Variants in RASEF observed in about 807,000 individuals in gnomAD.
The protein encoded by RASEF is ras and EF-hand domain-containing protein.
In RASEF, 68 loss-of-function variants were observed where a neutral mutation model predicts 90.1. The ratio of observed to expected loss-of-function variants is 0.75; its 90% confidence interval spans 0.62 to 0.92. The LOEUF (loss-of-function observed/expected upper bound fraction) is 0.92. RASEF is among the 40% of genes least tolerant of loss of function. The pLI, the probability that RASEF is intolerant of heterozygous loss-of-function variation, is 0.00. For synonymous variants in RASEF, 331 were observed against 345.2 expected (o/e 0.96, Z 0.46); for missense variants, 949 against 937.2 (o/e 1.01, Z -0.16).
upstream of RASEF, among the ~76,000 whole-genome samples, chr9:83,066,767 A>G: frequency 6.6e-6 from 1 of 152,262 alleles, no homozygotes; most frequent in East Asian, 1.9e-4. Context: ...TAAAACACAA[A>G]TAAATTTTAG....
In RASEF at chr9:82,981,741, C is replaced by T. The variant is rs928423351; in HGVS notation, c.*936G>A. On this transcript the variant is annotated 3_prime_UTR_variant, in exon 17 of 17. Coordinates refer to ENST00000376447, the MANE Select transcript of RASEF (RefSeq NM_152573.4). ...TTCTCATCATCGCCCAAAGAAACCA[C>T]ATACCTATTAGCAGTCACTCCCCAT... The T allele has an allele frequency of 2.6e-5, 4 of 152,196 alleles. No individual in the cohort carries two copies. Among genetic ancestry groups the T allele is most frequent in the African/African-American group, 7.2e-5 (3 of 41,424 alleles). 9.4% of individuals were successfully genotyped at this position (152,196 alleles called of 1,614,324 possible). A position where few individuals can be genotyped will look rare whatever the true frequency, so the allele number is the denominator to read the frequency against.
At chr9:83,103,537 G>T in the RASEF span, among the ~76,000 whole-genome samples, 1 of 152,042 alleles carries the variant, frequency 6.6e-6, no homozygotes, top group African/African-American at 2.4e-5. Flanking sequence ...ATTATTAAAG[G>T]TGTATGATGA....
At chr9:83,108,653 C>T in the RASEF span, among the ~76,000 whole-genome samples, 3 of 152,168 alleles carry the variant, frequency 2.0e-5, no homozygotes, top group African/African-American at 4.8e-5. Context: ...GCACAGTCAT[C>T]GAACTTCAAC....
At chr9:83,145,048 G>A in the RASEF span, among the ~76,000 whole-genome samples, 1 of 152,080 alleles carries the variant, frequency 6.6e-6, no homozygotes, top group Admixed American at 6.6e-5. Flanking sequence ...TGTTTAAAAA[G>A]TTTTTTAATT....
chr9:83,082,647 T>C, the RASEF span, among the ~76,000 whole-genome samples: 59 of 152,256 alleles, frequency 3.9e-4, 2 homozygotes, highest in South Asian at 0.012. Context: ...AAAGGCAAAC[T>C]TCAAACTGTA....
intron 1 of RASEF, among the ~76,000 whole-genome samples, chr9:83,039,045 T>G (rs1829792466): frequency 6.6e-6 from 1 of 152,206 alleles, no homozygotes; most frequent in African/African-American, 2.4e-5. Context: ...TTTTTCAATT[T>G]TTGAGATTGC....
the RASEF span, among the ~76,000 whole-genome samples, chr9:83,078,775 CTATATT>C: frequency 0.021 from 3,142 of 152,124 alleles, 90 homozygotes; most frequent in African/African-American, 0.071. Context: ...GATAAGGTAA[CTATATT>C]TGTATTTCTC....
At chr9:83,036,438 T>G (rs1474352396) in intron 1 of RASEF, among the ~76,000 whole-genome samples, 2 of 152,182 alleles carry the variant, frequency 1.3e-5, no homozygotes, top group African/African-American at 4.8e-5. Context: ...AAAACAGAAG[T>G]TGGATAGGCC....
chr9:83,087,197 T>A, the RASEF span, among the ~76,000 whole-genome samples: 2 of 152,108 alleles, frequency 1.3e-5, no homozygotes, highest in Non-Finnish European at 2.9e-5. Flanking sequence ...AAGACAAAAT[T>A]GTTAAAGTTA....
In RASEF at chr9:83,005,438, T is replaced by C; in HGVS notation, c.1091A>G (p.Tyr364Cys). Reference protein sequence around the residue: ...DGLRSALENSYSKFNRSLHIN... With the variant: ...DGLRSALENSCSKFNRSLHIN... The stretch of plus-strand genomic sequence containing the variant: ...TACCAAAGATCTGTTGAACTTGCTA[T>C]AACTGTTTTCAAGGGCACTTCTAAG... The change falls in exon 8 of 17, where the codon TAT (tyrosine) becomes TGT (cysteine). Residue 364 changes from tyrosine (Y) to cysteine (C), a missense_variant. Coordinates refer to ENST00000376447, the MANE Select transcript of RASEF (RefSeq NM_152573.4). The C allele has an allele frequency of 6.2e-7, 1 of 1,613,402 alleles. No homozygotes were observed. The highest frequency in any genetic ancestry group is 8.5e-7 in the Non-Finnish European group (1 of 1,179,356).
At chr9:83,086,987 T>C in the RASEF span, among the ~76,000 whole-genome samples, 4 of 152,132 alleles carry the variant, frequency 2.6e-5, no homozygotes. Context: ...TGGGGATCAT[T>C]GGGGCCATCT....
At chr9:83,020,106 A>G (rs1406582307) in intron 3 of RASEF, among the ~76,000 whole-genome samples, 2 of 152,014 alleles carry the variant, frequency 1.3e-5, no homozygotes, top group Non-Finnish European at 2.9e-5. Flanking sequence ...TAAAGCTGTT[A>G]CAGTTAAAAA....
chr9:83,150,129 C>G, the RASEF span, among the ~76,000 whole-genome samples: 2 of 152,172 alleles, frequency 1.3e-5, no homozygotes, highest in African/African-American at 4.8e-5. Flanking sequence ...ACTATTCCAG[C>G]TTTATTATAA....
the RASEF span, among the ~76,000 whole-genome samples, chr9:83,141,819 T>C: frequency 6.6e-6 from 1 of 152,300 alleles, no homozygotes; most frequent in South Asian, 2.1e-4. Context: ...AAAAAGTACA[T>C]TCCTGGCTTG....
the RASEF span, among the ~76,000 whole-genome samples, chr9:83,154,976 C>G: frequency 6.6e-6 from 1 of 152,220 alleles, no homozygotes; most frequent in African/African-American, 2.4e-5. Flanking sequence ...AAAGTCTAGC[C>G]TCATCTACCA....
At chr9:83,088,372 G>GATAGATA in the RASEF span, among the ~76,000 whole-genome samples, 102 of 147,576 alleles carry the variant, frequency 6.9e-4, no homozygotes, top group African/African-American at 2.5e-3. Flanking sequence ...ATAGATAGAT[G>GATAGATA]GATAGATAGA....
chr9:83,176,518 T>C, the RASEF span, among the ~76,000 whole-genome samples: 1 of 152,142 alleles, frequency 6.6e-6, no homozygotes, highest in African/African-American at 2.4e-5. Context: ...TTTGTTCCTC[T>C]ATTACTACTT....
At chr9:83,017,640 T>G in intron 3 of RASEF, among the ~76,000 whole-genome samples, 1 of 151,946 alleles carries the variant, frequency 6.6e-6, no homozygotes, top group East Asian at 1.9e-4. Flanking sequence ...ATGGTAGTGG[T>G]TCAGATCAAC....
chr9:83,177,897 A>T, the RASEF span, among the ~76,000 whole-genome samples: 1 of 151,792 alleles, frequency 6.6e-6, no homozygotes, highest in African/African-American at 2.4e-5. Flanking sequence ...CTCCCATTAC[A>T]TGGTTGCTGG....
Sources: allele counts gnomAD v4.1 joint callset (sites outside exome capture counted in the v4.1 genomes callset), GRCh38; gene constraint gnomAD v4.1.1; transcripts MANE v1.5; gene names NCBI Gene and HGNC (gene_info 2026-07-23, HGNC 2026-07-21).